ZNF442: variants seen among roughly 807,000 people sequenced by gnomAD.
ZNF442 encodes the protein zinc finger protein 442.
ZNF442 carries 45 observed loss-of-function variants against 57.0 expected under a neutral mutation model. That is an observed-to-expected ratio of 0.79 (90% CI 0.62 to 1.01). The LOEUF (loss-of-function observed/expected upper bound fraction) is 1.01, where lower values mean the gene tolerates loss of function less well. ZNF442 is among the 50% of genes least tolerant of loss of function. The probability of loss-of-function intolerance (pLI) is 0.00; values close to 1 mark genes in which losing one functional copy is unlikely to be tolerated. For synonymous variants in ZNF442, 213 were observed against 241.8 expected, an observed-to-expected ratio of 0.88 and a Z score of 1.10; for missense variants, 690 against 756.5, an observed-to-expected ratio of 0.91 and a Z score of 1.03.
At chr19:12,360,668 C>G (rs1034560079) in intron 3 of ZNF442, among the ~76,000 whole-genome samples, 4 of 152,218 alleles carry the variant, frequency 2.6e-5, no homozygotes, top group African/African-American at 9.6e-5. Flanking sequence ...CCTACACTTT[C>G]CAGGTTCAAG....
chr19:12,351,918 C>G (rs1969244811), intron 5 of ZNF442, 92 bp downstream of exon 5: 1 of 1,143,164 alleles, frequency 8.7e-7, no homozygotes, highest in African/African-American at 1.6e-5. Context: ...TTGTACTGGG[C>G]TCGTTCATTT....
At chr19:12,373,142 C>T in the ZNF442 span, among the ~76,000 whole-genome samples, 2 of 152,168 alleles carry the variant, frequency 1.3e-5, no homozygotes, top group East Asian at 3.8e-4. Flanking sequence ...AATCGTCAAT[C>T]TACCAAAGTT....
rs1417818630 is a variant in ZNF442 at position 12,365,246 on chromosome 19, G to C, written c.-482-3C>G. 1 of 174,186 alleles carries C rather than the reference G, an allele frequency of 5.7e-6. No homozygotes were observed. Among genetic ancestry groups the C allele is most frequent in the Non-Finnish European group, 1.2e-5 (1 of 81,776 alleles). The allele number at this position is 174,186 out of a possible 1,614,324, so 10.8% of individuals were successfully genotyped here. ...TGTGCCGGTTACAGCCGCACAATCT[G>C]GGAAGACGCGGAGCTGTGGGCATGG... On this transcript the variant is annotated splice_region_variant and splice_polypyrimidine_tract_variant and intron_variant, in intron 1 of 5. Transcript: ENST00000242804.
rs1243481966 is a variant in ZNF442 at position 12,364,789 on chromosome 19, A to G, written c.-41+13T>C. On this transcript the variant is annotated intron_variant, in intron 2 of 5. Coordinates refer to ENST00000242804, the MANE Select transcript of ZNF442 (RefSeq NM_030824.3). ...ATCTGGATTCTGATTGCAGTTAGATATTAACCAGGTACCCTGAGCCCCACT... is the reference window on the plus strand; with the variant it reads ...ATCTGGATTCTGATTGCAGTTAGATGTTAACCAGGTACCCTGAGCCCCACT... 3 of 152,228 alleles carry G rather than the reference A, an allele frequency of 2.0e-5. No individual in the cohort carries two copies. The highest frequency in any genetic ancestry group is 2.4e-5 in the African/African-American group (1 of 41,432). The allele number at this position is 152,228 out of a possible 1,614,324, so 9.4% of individuals were successfully genotyped here. A position where few individuals can be genotyped will look rare whatever the true frequency, so the allele number is the denominator to read the frequency against.
the ZNF442 span, among the ~76,000 whole-genome samples, chr19:12,372,401 G>T: frequency 6.6e-6 from 1 of 151,980 alleles, no homozygotes; most frequent in Non-Finnish European, 1.5e-5. Flanking sequence ...GGAGGTTGCA[G>T]TGAGCCCAGA....
chr19:12,352,884 G>A (rs1366461242), intron 4 of ZNF442, 104 bp downstream of exon 4: 3 of 1,390,356 alleles, frequency 2.2e-6, no homozygotes, highest in African/African-American at 1.5e-5. Flanking sequence ...GTTGTTGAAG[G>A]GTCAACTATA....
At chr19:12,351,662 C>T (rs966914166) in intron 5 of ZNF442, 7 of 307,848 alleles carry the variant, frequency 2.3e-5, no homozygotes, top group Admixed American at 1.4e-4. Flanking sequence ...TGCGCCACCA[C>T]GCCCAGCTAA....
At position 12,346,535 on chromosome 19, in the gene ZNF442, C is replaced by T. The variant is rs1457536820; in HGVS notation, c.*3166G>A. The T allele has an allele frequency of 2.6e-5, 4 of 152,268 alleles. No homozygotes were observed. Among genetic ancestry groups the T allele is most frequent in the Admixed American group, 2.6e-4 (4 of 15,304 alleles). The allele number at this position is 152,268 out of a possible 1,614,324, so 9.4% of individuals were successfully genotyped here. ...CACTTTGTAAAGCAATATACCTGTT[C>T]CTGAAAAAGGTTTACACCAATTATT... is the stretch of plus-strand genomic sequence containing the variant. On this transcript the variant is annotated 3_prime_UTR_variant, in exon 6 of 6. Coordinates refer to ENST00000242804, the MANE Select transcript of ZNF442 (RefSeq NM_030824.3).
At position 12,350,266 on chromosome 19, in the gene ZNF442, T is replaced by A. The variant is rs779406211; in HGVS notation, c.1319A>T (p.Lys440Ile). The change falls in exon 6 of 6, where the codon AAA (lysine) becomes ATA (isoleucine). Residue 440 changes from lysine to isoleucine, a missense_variant. Lys to Ile is a moderately radical substitution (Grantham distance 102). Transcript: ENST00000242804. ...EKPYECKECGKAFRISSSLRR... is the reference protein window; with the variant it reads ...EKPYECKECGIAFRISSSLRR... Reference sequence around the variant, plus strand: ...AAGGGAACTAGAAATACGGAAGGCTTTACCACATTCTTTACATTCATAGGG... The same window carrying A: ...AAGGGAACTAGAAATACGGAAGGCTATACCACATTCTTTACATTCATAGGG... The A allele has an allele frequency of 6.2e-7, 1 of 1,613,374 alleles. No individual in the cohort carries two copies. The highest frequency in any genetic ancestry group is 1.1e-5 in the South Asian group (1 of 91,052).
chr19:12,359,154 T>A (rs1008920999), intron 3 of ZNF442, among the ~76,000 whole-genome samples: 5 of 152,222 alleles, frequency 3.3e-5, no homozygotes, highest in Non-Finnish European at 7.3e-5. Flanking sequence ...CTCAGATTCA[T>A]AAACCCTTTT....
rs1969131213 is a variant in ZNF442 at position 12,346,408 on chromosome 19, A to C, written c.*3293T>G. 6.6e-6 allele frequency: 1 copy of C among 152,224 alleles called. No individual in the cohort carries two copies. Among genetic ancestry groups the C allele is most frequent in the South Asian group, 2.1e-4 (1 of 4,836 alleles). 9.4% of individuals were successfully genotyped at this position (152,224 alleles called of 1,614,324 possible). On this transcript the variant is annotated 3_prime_UTR_variant, in exon 6 of 6. Transcript: ENST00000242804. ...CACAATGAAAAAGCAGTACAGAACC[A>C]TTAATTGGCTATTATGAAAAAAATA...
At chr19:12,367,366 G>A (rs1042487333), upstream of ZNF442, among the ~76,000 whole-genome samples, 67 of 152,126 alleles carry the variant, frequency 4.4e-4, no homozygotes, top group African/African-American at 1.5e-3. Context: ...TGCCTCAAAG[G>A]GCAATAAAAG....
At position 12,350,089 on chromosome 19, in the gene ZNF442, C is replaced by G; in HGVS notation, c.1496G>C (p.Cys499Ser). The change falls in exon 6 of 6, where the codon TGT becomes TCT. Residue 499 changes from cysteine to serine, a missense_variant. Coordinates refer to ENST00000242804, the MANE Select transcript of ZNF442 (RefSeq NM_030824.3). ...ECKECGKAFSCFTYLSQHRRT... is the reference protein window; with the variant it reads ...ECKECGKAFSSFTYLSQHRRT... ...TCTATGTTGAGAAAGGTATGTGAAA[C>G]AACTGAATGCTTTCCCACATTCCTT... The G allele has an allele frequency of 6.2e-7, 1 of 1,613,054 alleles. No homozygotes were observed. Among genetic ancestry groups the G allele is most frequent in the South Asian group, 1.1e-5 (1 of 91,030 alleles).
At chr19:12,371,667 G>A in the ZNF442 span, among the ~76,000 whole-genome samples, 1 of 152,076 alleles carries the variant, frequency 6.6e-6, no homozygotes, top group South Asian at 2.1e-4. Flanking sequence ...CCTGATCTTG[G>A]ACAAAGCTGA....
rs1969478467 is a variant in ZNF442 at position 12,363,656 on chromosome 19, C to T, written c.-25G>A. The T allele has an allele frequency of 6.2e-7, 1 of 1,607,824 alleles. No homozygotes were observed. Among genetic ancestry groups the T allele is most frequent in the African/African-American group, 1.3e-5 (1 of 74,818 alleles). ...TTCAACTGGCTGACCAGCCGTGTGTCCCCAAGGAATGGAAACTGGGGTTGG... is the reference window on the plus strand; with the variant it reads ...TTCAACTGGCTGACCAGCCGTGTGTTCCCAAGGAATGGAAACTGGGGTTGG... On this transcript the variant is annotated 5_prime_UTR_variant, in exon 3 of 6. Coordinates refer to ENST00000242804, the MANE Select transcript of ZNF442 (RefSeq NM_030824.3).
intron 5 of ZNF442, among the ~76,000 whole-genome samples, chr19:12,351,604 C>G (rs1003652912): frequency 1.2e-4 from 18 of 152,242 alleles, no homozygotes; most frequent in African/African-American, 4.1e-4. Flanking sequence ...CTCCCAGGTT[C>G]AAGTGTTTCT....
At chr19:12,358,621 GAA>G (rs1043780619) in intron 3 of ZNF442, among the ~76,000 whole-genome samples, 3 of 152,154 alleles carry the variant, frequency 2.0e-5, no homozygotes, top group African/African-American at 7.2e-5. Flanking sequence ...ACTGAAAACA[GAA>G]AAGAGGCAAA....
Position 12,348,057 on chromosome 19 carries a change from A to G in ZNF442, c.*1644T>C, listed in dbSNP as rs573733787. On this transcript the variant is annotated 3_prime_UTR_variant, in exon 6 of 6. Coordinates refer to ENST00000242804, the MANE Select transcript of ZNF442 (RefSeq NM_030824.3). ...CAAGGTGAAAAGTATTAAAGATTAC[A>G]ATCCTCGCAGGGCACGGTGGCTCAT... 1 of 152,270 alleles carries G rather than the reference A, an allele frequency of 6.6e-6. No homozygotes were observed. Among genetic ancestry groups the G allele is most frequent in the South Asian group, 2.1e-4 (1 of 4,824 alleles). The allele number at this position is 152,270 out of a possible 1,614,324, so 9.4% of individuals were successfully genotyped here.
rs770548492 is a variant in ZNF442, at chr19:12,351,319, C to T, written c.267-1G>A. Reference sequence around the variant, plus strand: ...ACTAAATCTCTCTATGATATGACATCTGTAAAACATGAGAAGTATATTAAT... The same window carrying T: ...ACTAAATCTCTCTATGATATGACATTTGTAAAACATGAGAAGTATATTAAT... On this transcript the variant is annotated splice_acceptor_variant, in intron 5 of 5. Coordinates refer to ENST00000242804, the MANE Select transcript of ZNF442 (RefSeq NM_030824.3). LOFTEE classifies it high-confidence loss of function. The T allele has an allele frequency of 5.0e-6, 8 of 1,604,852 alleles. No individual in the cohort carries two copies. The highest frequency in any genetic ancestry group is 2.7e-5 in the African/African-American group (2 of 74,438).
Sources: gnomAD v4.1 joint callset for allele counts (sites outside exome capture counted in the v4.1 genomes callset) on GRCh38, gnomAD v4.1.1 for gene constraint, MANE v1.5 for transcripts, NCBI Gene and HGNC (gene_info 2026-07-23, HGNC 2026-07-21) for gene names.